Variants in SEMA6D observed in about 807,000 individuals in gnomAD.
SEMA6D encodes the protein semaphorin 6D.
Under a neutral mutation model 106.6 loss-of-function variants are expected in SEMA6D, and 35 were observed. The observed-to-expected ratio is 0.33, with a 90% CI of 0.25 to 0.44. SEMA6D has a LOEUF of 0.44. Ranked by LOEUF, SEMA6D falls within the 20% of genes least tolerant of loss-of-function variation. SEMA6D has a pLI of 1.00. For missense variants in SEMA6D, 1,185 were observed against 1,345.9 expected (o/e 0.88, Z 1.87); for synonymous variants, 499 against 487.7 (o/e 1.02, Z -0.31).
At chr15:47,355,571 G>GAA (rs2038534091) in intron 1 of SEMA6D, among the ~76,000 whole-genome samples, 1 of 152,166 alleles carries the variant, frequency 6.6e-6, no homozygotes. Flanking sequence ...AGTCTTTCTA[G>GAA]AGACAAACAT....
intron 1 of SEMA6D, among the ~76,000 whole-genome samples, chr15:47,239,387 A>G (rs1271334631): frequency 1.3e-5 from 2 of 152,204 alleles, no homozygotes; most frequent in East Asian, 1.9e-4. Flanking sequence ...ATGCACTTGA[A>G]TAATTCCAAA....
intron 1 of SEMA6D, among the ~76,000 whole-genome samples, chr15:47,369,714 C>T (rs971056047): frequency 6.6e-6 from 1 of 152,240 alleles, no homozygotes; most frequent in South Asian, 2.1e-4. Flanking sequence ...ACGTTATTGA[C>T]ATAAGAATAA....
chr15:47,212,616 C>T (rs530515130), intron 1 of SEMA6D, among the ~76,000 whole-genome samples: 2 of 152,312 alleles, frequency 1.3e-5, no homozygotes, highest in South Asian at 4.1e-4. Flanking sequence ...AATTCTATTT[C>T]CTTTTAAGTC....
chr15:47,386,082 G>A (rs901331970), intron 1 of SEMA6D, among the ~76,000 whole-genome samples: 1 of 152,116 alleles, frequency 6.6e-6, no homozygotes, highest in Admixed American at 6.5e-5. Flanking sequence ...TAAAACCATA[G>A]GACAATGCCT....
chr15:47,218,884 G>C (rs564533947), intron 1 of SEMA6D, among the ~76,000 whole-genome samples: 2 of 152,308 alleles, frequency 1.3e-5, no homozygotes, highest in East Asian at 1.9e-4. Context: ...CATGTAGCTT[G>C]TTAAGTGGCA....
chr15:47,735,681 G>A lies in SEMA6D; in HGVS notation c.-55+17989G>A, dbSNP rs183148102. On this transcript the variant is annotated intron_variant, in intron 1 of 18. Coordinates refer to ENST00000536845, the MANE Select transcript of SEMA6D (RefSeq NM_001358351.3). ...ATTTAAGATCACAAGAGAATGTGAT[G>A]CTCAGAGTGTCTCTAATCACCCGCC... 1.3e-4 allele frequency among the ~76,000 whole-genome samples: 20 copies of A among 152,272 alleles called. 1 individual carries two copies. In the East Asian group the frequency reaches 3.5e-3, roughly 26 times the overall value.
At chr15:47,732,562 T>C (rs950737555) in intron 1 of SEMA6D, among the ~76,000 whole-genome samples, 23 of 152,218 alleles carry the variant, frequency 1.5e-4, no homozygotes, top group Non-Finnish European at 2.6e-4. Context: ...ATGGGAGAGA[T>C]TGGCTTACCA....
intron 1 of SEMA6D, among the ~76,000 whole-genome samples, chr15:47,229,836 T>G (rs961185265): frequency 6.6e-6 from 1 of 152,130 alleles, no homozygotes; most frequent in African/African-American, 2.4e-5. Context: ...AGAAGACTGA[T>G]AACATATTAT....
intron 3 of SEMA6D, among the ~76,000 whole-genome samples, chr15:47,480,082 C>A (rs2043112447): frequency 6.6e-6 from 1 of 151,386 alleles, no homozygotes; most frequent in African/African-American, 2.4e-5. Flanking sequence ...AGTCTTGAAC[C>A]CCTGTGCTCA....
chr15:47,693,091 A>T (rs961213253), intron 4 of SEMA6D, among the ~76,000 whole-genome samples: 3 of 152,158 alleles, frequency 2.0e-5, no homozygotes, highest in Non-Finnish European at 4.4e-5. Flanking sequence ...TTATTTGGAG[A>T]TAAGGTCCCT....
chr15:47,260,504 A>G (rs1234603465), intron 1 of SEMA6D, among the ~76,000 whole-genome samples: 1 of 151,612 alleles, frequency 6.6e-6, no homozygotes, highest in Admixed American at 6.6e-5. Context: ...AGGTGGTAGA[A>G]GTTCTTTCCC....
chr15:47,430,432 A>T (rs1026662487), intron 2 of SEMA6D, among the ~76,000 whole-genome samples: 1 of 151,556 alleles, frequency 6.6e-6, no homozygotes, highest in African/African-American at 2.4e-5. Context: ...ATCTTATCAG[A>T]CTGGGGGCAG....
At chr15:47,752,778 G>A (rs1281638295) in intron 1 of SEMA6D, among the ~76,000 whole-genome samples, 1 of 152,152 alleles carries the variant, frequency 6.6e-6, no homozygotes, top group Non-Finnish European at 1.5e-5. Flanking sequence ...GGAGGCCGAG[G>A]TGGACAGATC....
chr15:47,454,599 G>GCGCACA (rs113699947), intron 2 of SEMA6D, among the ~76,000 whole-genome samples: 18 of 148,874 alleles, frequency 1.2e-4, no homozygotes, highest in African/African-American at 3.2e-4. Flanking sequence ...TTGCACATGT[G>GCGCACA]CACACACACA....
At chr15:47,255,424 T>C (rs908170481) in intron 1 of SEMA6D, among the ~76,000 whole-genome samples, 5 of 152,114 alleles carry the variant, frequency 3.3e-5, no homozygotes, top group Non-Finnish European at 7.4e-5. Flanking sequence ...TTTTAATCTC[T>C]ATTTTGTTTA....
In SEMA6D at chr15:47,761,768, T is replaced by A; in HGVS notation, c.538+17T>A. The A allele has an allele frequency of 6.4e-7, 1 of 1,571,186 alleles. No individual in the cohort carries two copies. The highest frequency in any genetic ancestry group is 8.7e-7 in the Non-Finnish European group (1 of 1,149,788). On this transcript the variant is annotated intron_variant, in intron 7 of 18. Coordinates refer to ENST00000536845, the MANE Select transcript of SEMA6D (RefSeq NM_001358351.3). ...TCTTTGCTGGTAAGATCCTTTAGCG[T>A]AATGAATATAAATGATTAATGACAT...
At chr15:47,553,090 G>T (rs1034352004) in intron 3 of SEMA6D, among the ~76,000 whole-genome samples, 4 of 149,756 alleles carry the variant, frequency 2.7e-5, no homozygotes, top group African/African-American at 9.9e-5. Flanking sequence ...TTTTATTAGA[G>T]ACAGGGTTTC....
intron 1 of SEMA6D, among the ~76,000 whole-genome samples, chr15:47,303,729 A>G (rs1216851968): frequency 6.6e-6 from 1 of 152,196 alleles, no homozygotes; most frequent in Non-Finnish European, 1.5e-5. Context: ...GTGTTGGTGA[A>G]GTGTAAACCT....
intron 1 of SEMA6D, among the ~76,000 whole-genome samples, chr15:47,405,194 G>A (rs1219100435): frequency 6.6e-6 from 1 of 152,158 alleles, no homozygotes. Flanking sequence ...CAGACATCTA[G>A]TCTCCTGAGT....
Sources: allele counts gnomAD v4.1 joint callset (sites outside exome capture counted in the v4.1 genomes callset), GRCh38; gene constraint gnomAD v4.1.1; transcripts MANE v1.5; gene names NCBI Gene and HGNC (gene_info 2026-07-23, HGNC 2026-07-21).